CACNB2: variants seen among roughly 807,000 people sequenced by gnomAD.
CACNB2 encodes the protein calcium voltage-gated channel auxiliary subunit beta 2, also known as voltage-dependent L-type calcium channel subunit beta-2.
CACNB2 carries 42 observed loss-of-function variants against 73.3 expected under a neutral mutation model. The observed-to-expected ratio is 0.57, with a 90% CI of 0.45 to 0.74. The LOEUF is 0.74. CACNB2 is among the 30% of genes least tolerant of loss of function. CACNB2 has a pLI of 0.00. For synonymous variants in CACNB2, 348 were observed against 310.3 expected (o/e 1.12, Z -1.28); for missense variants, 940 against 853.0 (o/e 1.10, Z -1.27).
intron 2 of CACNB2, among the ~76,000 whole-genome samples, chr10:18,254,336 A>G (rs970073315): frequency 1.3e-5 from 2 of 152,234 alleles, no homozygotes; most frequent in Non-Finnish European, 2.9e-5. Flanking sequence ...GTCTACCTCA[A>G]TAACACAAAA....
chr10:18,439,440 C>A (rs1397073653), intron 3 of CACNB2, among the ~76,000 whole-genome samples: 1 of 152,176 alleles, frequency 6.6e-6, no homozygotes, highest in African/African-American at 2.4e-5. Flanking sequence ...ATTTCTCCTG[C>A]ATTTGTAGAT....
chr10:18,479,737 C>A (rs1482441998), intron 3 of CACNB2, among the ~76,000 whole-genome samples: 1 of 152,138 alleles, frequency 6.6e-6, no homozygotes, highest in Non-Finnish European at 1.5e-5. Context: ...CTCTTGCTCT[C>A]CTGTGATAAG....
At chr10:18,150,000 G>C (rs1449772568) in intron 1 of CACNB2, among the ~76,000 whole-genome samples, 1 of 152,176 alleles carries the variant, frequency 6.6e-6, no homozygotes, top group Non-Finnish European at 1.5e-5. Flanking sequence ...GTGAAGATTT[G>C]CTATGTCCAG....
intron 2 of CACNB2, among the ~76,000 whole-genome samples, chr10:18,224,821 A>C (rs1442147106): frequency 6.6e-6 from 1 of 152,206 alleles, no homozygotes; most frequent in African/African-American, 2.4e-5. Flanking sequence ...TCCAGATTGC[A>C]GGAGCAGAAA....
At chr10:18,349,534 G>C (rs948958698) in intron 2 of CACNB2, among the ~76,000 whole-genome samples, 2 of 152,096 alleles carry the variant, frequency 1.3e-5, no homozygotes, top group Admixed American at 1.3e-4. Flanking sequence ...GGCTCAAAAT[G>C]CCATTAAAAT....
At position 18,514,301 on chromosome 10, in the gene CACNB2, C is replaced by G. The variant is rs2051061080; in HGVS notation, c.736C>G (p.Pro246Ala). ...TGATATTCCAGCAAACCACCGCTCC[C>G]CTAAACCCAGTGCAAACAGTGTAAC... ...ENDIPANHRS[P>A]KPSANSVTSP... is the part of the protein sequence containing the mutation. The change falls in exon 7 of 14, where the codon CCT (proline) becomes GCT (alanine). Residue 246 changes from proline to alanine, a missense_variant. Transcript: ENST00000324631. 6.2e-7 allele frequency: 1 copy of G among 1,614,110 alleles called. No individual in the cohort carries two copies. The highest frequency in any genetic ancestry group is 1.7e-5 in the Admixed American group (1 of 60,022).
At chr10:18,485,608 C>G (rs2049016843) in intron 3 of CACNB2, among the ~76,000 whole-genome samples, 1 of 143,044 alleles carries the variant, frequency 7.0e-6, no homozygotes, top group Admixed American at 7.3e-5. Context: ...GTCGCCCAGG[C>G]TGGAGTGCAG....
chr10:18,398,212 C>G (rs1418779778), intron 2 of CACNB2, among the ~76,000 whole-genome samples: 2 of 152,314 alleles, frequency 1.3e-5, no homozygotes, highest in Middle Eastern at 3.4e-3. Flanking sequence ...AGGAGATTAA[C>G]TGTAAGGCAT....
chr10:18,274,269 A>G (rs2038181871), intron 2 of CACNB2, among the ~76,000 whole-genome samples: 1 of 152,210 alleles, frequency 6.6e-6, no homozygotes, highest in Non-Finnish European at 1.5e-5. Flanking sequence ...GTGGAAAGGA[A>G]TAAGAAAAGT....
chr10:18,445,737 G>T (rs1476548612), intron 3 of CACNB2, among the ~76,000 whole-genome samples: 2 of 152,186 alleles, frequency 1.3e-5, no homozygotes, highest in East Asian at 3.9e-4. Flanking sequence ...AAGCCCTGTA[G>T]AAGTGGTGGG....
intron 3 of CACNB2, among the ~76,000 whole-genome samples, chr10:18,425,193 T>C (rs1000709230): frequency 1.3e-5 from 2 of 152,240 alleles, no homozygotes; most frequent in African/African-American, 4.8e-5. Context: ...TATTTTTCTA[T>C]AAACGTACAA....
At position 18,303,748 on chromosome 10, in the gene CACNB2, G is replaced by A. The variant is rs537790728; in HGVS notation, c.214-98176G>A. Among the ~76,000 whole-genome samples the A allele has an allele frequency of 2.0e-5, 3 of 152,292 alleles. No individual in the cohort carries two copies. In the East Asian group the frequency reaches 5.8e-4, roughly 29 times the overall value. ...TCCTTGGGGGTGCGTGTCCAGCGCT[G>A]CCCTTGACTAGTTGTGGCACTAGTT... On this transcript the variant is annotated intron_variant, in intron 2 of 13. Transcript: ENST00000324631.
At chr10:18,276,008 TTGTCTATCTTTCATACATTTCAACA>T (rs1308415289) in intron 2 of CACNB2, among the ~76,000 whole-genome samples, 1 of 152,254 alleles carries the variant, frequency 6.6e-6, no homozygotes, top group Non-Finnish European at 1.5e-5. Flanking sequence ...TCTTTATTCC[TTGTCTATCTTTCATACATTTCAACA>T]TGTCAAAGTA....
intron 2 of CACNB2, among the ~76,000 whole-genome samples, chr10:18,396,779 C>A (rs888835556): frequency 2.0e-5 from 3 of 152,076 alleles, no homozygotes; most frequent in Non-Finnish European, 4.4e-5. Context: ...CCCCATTTTG[C>A]TTTATTTTAA....
intron 2 of CACNB2, among the ~76,000 whole-genome samples, chr10:18,356,788 C>T (rs1450282770): frequency 6.6e-6 from 1 of 151,834 alleles, no homozygotes; most frequent in Non-Finnish European, 1.5e-5. Context: ...TGCCACCATG[C>T]CTGGCTAATT....
At chr10:18,442,657 T>C (rs534201661) in intron 3 of CACNB2, among the ~76,000 whole-genome samples, 10 of 150,946 alleles carry the variant, frequency 6.6e-5, no homozygotes, top group African/African-American at 2.2e-4. Context: ...AAACCCCGTC[T>C]CTACTAAAAA....
At chr10:18,420,872 A>T (rs929862272) in intron 3 of CACNB2, among the ~76,000 whole-genome samples, 7 of 152,200 alleles carry the variant, frequency 4.6e-5, no homozygotes, top group African/African-American at 1.4e-4. Context: ...ACTGAAAATA[A>T]TTTTTTAAAA....
intron 5 of CACNB2, among the ~76,000 whole-genome samples, chr10:18,505,732 AAC>A (rs2050453879): frequency 6.6e-6 from 1 of 152,190 alleles, no homozygotes; most frequent in Non-Finnish European, 1.5e-5. Flanking sequence ...GCTGGTGAAA[AAC>A]ACAAATGCTG....
intron 2 of CACNB2, among the ~76,000 whole-genome samples, chr10:18,273,061 C>T (rs1057085444): frequency 6.6e-6 from 1 of 152,076 alleles, no homozygotes; most frequent in Non-Finnish European, 1.5e-5. Context: ...GGGCTACTGG[C>T]CAACAGCAGA....
Sources: gnomAD v4.1 joint callset for allele counts (sites outside exome capture counted in the v4.1 genomes callset) on GRCh38, gnomAD v4.1.1 for gene constraint, MANE v1.5 for transcripts, NCBI Gene and HGNC (gene_info 2026-07-23, HGNC 2026-07-21) for gene names.